Variants in DHRS4L2 observed in about 807,000 individuals in gnomAD.
The protein encoded by DHRS4L2 is dehydrogenase/reductase 4 like 2, also known as dehydrogenase/reductase SDR family member 4-like 2.
In DHRS4L2, 22 loss-of-function variants were observed where a neutral mutation model predicts 23.9. The observed-to-expected ratio is 0.92, with a 90% CI of 0.66 to 1.31. The LOEUF is 1.31. Among genes scored for constraint, DHRS4L2 ranks in the 40% most tolerant of loss-of-function variants. The probability of loss-of-function intolerance (pLI) is 0.00; values close to 1 mark genes in which losing one functional copy is unlikely to be tolerated. For missense variants in DHRS4L2, 385 were observed against 303.3 expected, an observed-to-expected ratio of 1.27 and a Z score of -2.00; for synonymous variants, 141 against 123.7, an observed-to-expected ratio of 1.14 and a Z score of -0.93.
exon 1 of DHRS4L2, chr14:23,970,325 C>G (rs1371951725): frequency 9.4e-6 from 4 of 425,806 alleles, no homozygotes; most frequent in South Asian, 6.6e-5. Context: ...GGAGCTGGAG[C>G]TTGACAGGTA....
At chr14:23,977,300 T>C (rs1176078095) in intron 1 of DHRS4L2, among the ~76,000 whole-genome samples, 2 of 151,818 alleles carry the variant, frequency 1.3e-5, no homozygotes, top group African/African-American at 4.8e-5. Flanking sequence ...TTCTAGCTTC[T>C]GTTTAAATAC....
intron 3 of DHRS4L2, among the ~76,000 whole-genome samples, chr14:23,995,671 A>T (rs1444884213): frequency 1.3e-5 from 2 of 151,864 alleles, no homozygotes; most frequent in Admixed American, 1.3e-4. Context: ...AAAATCTGAG[A>T]TCCAGATGTC....
chr14:23,995,121 G>A lies in DHRS4L2; in HGVS notation c.396G>A (p.Glu132=). 6.2e-7 allele frequency: 1 copy of A among 1,612,814 alleles called. No homozygotes were observed. The highest frequency in any genetic ancestry group is 1.3e-5 in the African/African-American group (1 of 75,028). ...GAAGCCTAATGGATGTCACCGAGGA[G>A]GTGTGGGACAAGGTGAGAGGGGATT... is the stretch of plus-strand genomic sequence containing the variant. The part of the protein sequence containing the change: ...FFGSLMDVTE[E]VWDKTLDINV... The change falls in exon 3 of 8, where the codon GAG becomes GAA. Residue 132 remains glutamate, a synonymous_variant. Transcript: ENST00000335125.
rs371167696 is a variant in DHRS4L2 at position 23,971,867 on chromosome 14, C to T, written c.-176+1535C>T. 6.0e-3 allele frequency among the ~76,000 whole-genome samples: 915 copies of T among 152,098 alleles called. 16 individuals carry two copies. The highest frequency in any genetic ancestry group is 0.044 in the South Asian group (209 of 4,790). On this transcript the variant is annotated intron_variant, in intron 1 of 5. Coordinates refer to the DHRS4L2 transcript ENST00000534993. ...GGAAAGGAACAACGGGTACCAGCCA[C>T]TGCAAAAACATACGAAATTGTAAAG...
intron 1 of DHRS4L2, among the ~76,000 whole-genome samples, chr14:23,983,656 A>G (rs2034091076): frequency 6.6e-6 from 1 of 151,826 alleles, no homozygotes; most frequent in Non-Finnish European, 1.5e-5. Flanking sequence ...GATAGACTGC[A>G]TAAAGAAAAT....
At chr14:23,977,671 A>G (rs2033992870) in intron 1 of DHRS4L2, among the ~76,000 whole-genome samples, 1 of 151,664 alleles carries the variant, frequency 6.6e-6, no homozygotes, top group Admixed American at 6.6e-5. Flanking sequence ...TTATAGATGA[A>G]CTAGCTTTCT....
chr14:23,982,948 A>G (rs1418738963), intron 1 of DHRS4L2, among the ~76,000 whole-genome samples: 2 of 151,660 alleles, frequency 1.3e-5, no homozygotes, highest in African/African-American at 4.8e-5. Context: ...AACCTAGGCC[A>G]TACCATTCAG....
intron 3 of DHRS4L2, among the ~76,000 whole-genome samples, chr14:24,000,641 T>A (rs1006423235): frequency 2.6e-5 from 4 of 151,740 alleles, no homozygotes; most frequent in Non-Finnish European, 5.9e-5. Context: ...AGGCTCCATT[T>A]TTGCTCACCT....
intron 1 of DHRS4L2, among the ~76,000 whole-genome samples, chr14:23,976,765 T>A (rs1428137609): frequency 6.6e-6 from 1 of 151,914 alleles, no homozygotes; most frequent in Non-Finnish European, 1.5e-5. Flanking sequence ...CATGGAATAC[T>A]ATGCAGCCAT....
In DHRS4L2 at chr14:24,004,134, G is replaced by A. The variant is rs987548069; in HGVS notation, c.666-203G>A. On this transcript the variant is annotated intron_variant, in intron 6 of 7. Coordinates refer to ENST00000335125, the MANE Select transcript of DHRS4L2 (RefSeq NM_198083.4). ...AAATACAAAAAATTAGCCGGGCGCAGTGGCGGGCGCCTGTAATCCCAGCTA... is the reference window on the plus strand; with the variant it reads ...AAATACAAAAAATTAGCCGGGCGCAATGGCGGGCGCCTGTAATCCCAGCTA... Among the ~76,000 whole-genome samples the A allele has an allele frequency of 1.8e-4, 27 of 147,114 alleles. 1 individual carries two copies. Among genetic ancestry groups the A allele is most frequent in the South Asian group, 4.3e-4 (2 of 4,620 alleles).
Position 23,970,395 on chromosome 14 carries a change from G to A in DHRS4L2, c.-176+63G>A, listed in dbSNP as rs1331888000. On this transcript the variant is annotated intron_variant, in intron 1 of 5. Transcript: ENST00000534993. ...ACTGCATCAGTTAACGGGGCCGTGG[G>A]GGAGGGAAGTCCTCCATTGCTAAGG... 3 of 380,168 alleles carry A rather than the reference G, an allele frequency of 7.9e-6. No homozygotes were observed. The Admixed American group carries it at 9.0e-5, about 11-fold the overall frequency. 23.5% of individuals were successfully genotyped at this position (380,168 alleles called of 1,614,324 possible). A position where few individuals can be genotyped will look rare whatever the true frequency, so the allele number is the denominator to read the frequency against.
At chr14:23,972,691 C>T (rs2138502447) in intron 1 of DHRS4L2, among the ~76,000 whole-genome samples, 1 of 152,038 alleles carries the variant, frequency 6.6e-6, no homozygotes, top group South Asian at 2.1e-4. Context: ...GTCCAGGGGA[C>T]CGGCGCTCAG....
chr14:23,999,998 AG>A lies in DHRS4L2; in HGVS notation c.409-864del, dbSNP rs1023404387. ...GCATGAGCCACCATGCCCAGCCCTG[AG>A]TTTTTTTTTTTTTAATTTACATTTT... On this transcript the variant is annotated intron_variant, in intron 3 of 7. Transcript: ENST00000335125. Among the ~76,000 whole-genome samples the A allele has an allele frequency of 1.5e-5, 2 of 136,562 alleles. 1 individual carries two copies. Among genetic ancestry groups the A allele is most frequent in the African/African-American group, 6.4e-5 (2 of 31,078 alleles). The allele number at this position is 136,562 out of a possible 152,430, so 89.6% of individuals were successfully genotyped here. A position where few individuals can be genotyped will look rare whatever the true frequency, so the allele number is the denominator to read the frequency against.
At chr14:23,982,400 G>T (rs994061155) in intron 1 of DHRS4L2, among the ~76,000 whole-genome samples, 5 of 151,658 alleles carry the variant, frequency 3.3e-5, no homozygotes, top group Non-Finnish European at 7.4e-5. Context: ...CAAAGCAATT[G>T]TTCAGGGTAC....
intron 3 of DHRS4L2, among the ~76,000 whole-genome samples, chr14:23,999,243 T>C (rs1358663716): frequency 6.8e-6 from 1 of 146,468 alleles, no homozygotes; most frequent in Non-Finnish European, 1.5e-5. Flanking sequence ...AGGTCTGAAA[T>C]ATTCCAAGAA....
chr14:23,987,375 C>T (rs905145606), upstream of DHRS4L2: 11 of 197,536 alleles, frequency 5.6e-5, no homozygotes, highest in Middle Eastern at 2.1e-3. Context: ...GTGATCCGCC[C>T]GCCTCGGCCT....
At position 24,005,959 on chromosome 14, in the gene DHRS4L2, G is replaced by A. The variant is rs1034637629; in HGVS notation, c.*96G>A. 6.2e-7 allele frequency: 1 copy of A among 1,611,594 alleles called. No homozygotes were observed. The highest frequency in any genetic ancestry group is 1.3e-5 in the African/African-American group (1 of 74,382). ...TGAAGATGCCAGCTACATCACTGGG[G>A]AAACAGTGGTGGTGGGTGGAGGAAC... On this transcript the variant is annotated 3_prime_UTR_variant, in exon 8 of 8. Transcript: ENST00000335125.
In DHRS4L2 at chr14:23,995,050, G is replaced by C. The variant is rs2034351499; in HGVS notation, c.325G>C (p.Gly109Arg). 1.9e-6 allele frequency: 3 copies of C among 1,612,948 alleles called. No individual in the cohort carries two copies. The highest frequency in any genetic ancestry group is 1.7e-6 in the Non-Finnish European group (2 of 1,179,482). ...LVAMAVKLHG[G>R]IDILVSNAAV... Reference sequence around the variant, plus strand: ...TCTCTAGGCTGTGAAGCTTCATGGAGGTATCGATATCCTAGTCTCCAATGC... The same window carrying C: ...TCTCTAGGCTGTGAAGCTTCATGGACGTATCGATATCCTAGTCTCCAATGC... The change falls in exon 3 of 8, where the codon GGT becomes CGT. Residue 109 changes from glycine to arginine, a missense_variant. Coordinates refer to ENST00000335125, the MANE Select transcript of DHRS4L2 (RefSeq NM_198083.4).
upstream of DHRS4L2, among the ~76,000 whole-genome samples, chr14:23,987,842 T>C (rs1464239807): frequency 1.3e-5 from 2 of 151,792 alleles, no homozygotes; most frequent in African/African-American, 2.4e-5. Context: ...TGGGTTAAAC[T>C]AATTCAGATA....
Sources: gnomAD v4.1 joint callset for allele counts (sites outside exome capture counted in the v4.1 genomes callset) on GRCh38, gnomAD v4.1.1 for gene constraint, MANE v1.5 for transcripts, NCBI Gene and HGNC (gene_info 2026-07-23, HGNC 2026-07-21) for gene names.